Variants in AMPH observed in about 807,000 individuals in gnomAD.
The protein encoded by AMPH is amphiphysin (Stiff-Mann syndrome with breast cancer 128kD autoantigen).
In AMPH, 49 loss-of-function variants were observed where a neutral mutation model predicts 99.1. That is an observed-to-expected ratio of 0.49 (90% CI 0.39 to 0.63). The LOEUF (loss-of-function observed/expected upper bound fraction) is 0.63, where lower values mean the gene tolerates loss of function less well. Among genes scored for constraint, AMPH ranks in the 20% least tolerant of loss-of-function variants. AMPH has a pLI of 0.00. For synonymous variants in AMPH, 314 were observed against 317.3 expected (o/e 0.99, Z 0.11); for missense variants, 759 against 863.4 (o/e 0.88, Z 1.52).
chr7:38,523,249 T>C (rs912544474), intron 2 of AMPH, among the ~76,000 whole-genome samples: 20 of 152,168 alleles, frequency 1.3e-4, no homozygotes, highest in African/African-American at 4.6e-4. Flanking sequence ...GTGTTGTGTG[T>C]GTGTATACAC....
intron 14 of AMPH, chr7:38,428,199 C>A (rs934555406): frequency 2.2e-6 from 1 of 456,608 alleles, no homozygotes; most frequent in African/African-American, 2.0e-5. Context: ...ATCTGGTATA[C>A]CAGAGAATCC....
chr7:38,383,931 T>C lies in AMPH; in HGVS notation c.*887A>G, dbSNP rs1784283368. 1 of 152,644 alleles carries C rather than the reference T, an allele frequency of 6.6e-6. No individual in the cohort carries two copies. The highest frequency in any genetic ancestry group is 2.1e-4 in the South Asian group (1 of 4,830). 9.5% of individuals were successfully genotyped at this position (152,644 alleles called of 1,614,324 possible). ...TGCCCCATCTTTCTACCCAATCTCATAAAGGCAGAAGAGAAGACTGCTTAG... is the reference window on the plus strand; with the variant it reads ...TGCCCCATCTTTCTACCCAATCTCACAAAGGCAGAAGAGAAGACTGCTTAG... On this transcript the variant is annotated 3_prime_UTR_variant, in exon 21 of 21. Transcript: ENST00000356264.
intron 5 of AMPH, among the ~76,000 whole-genome samples, chr7:38,478,834 A>G (rs564555811): frequency 2.0e-5 from 3 of 152,150 alleles, no homozygotes; most frequent in Non-Finnish European, 4.4e-5. Flanking sequence ...GGAAAAATTG[A>G]TTCAGTGGGC....
At chr7:38,629,792 C>G (rs1161693883) in intron 1 of AMPH, among the ~76,000 whole-genome samples, 1 of 152,216 alleles carries the variant, frequency 6.6e-6, no homozygotes, top group Non-Finnish European at 1.5e-5. Flanking sequence ...CAGCAGATCC[C>G]TGGCTACTTT....
At chr7:38,485,581 A>G (rs1026321575) in intron 5 of AMPH, among the ~76,000 whole-genome samples, 5 of 151,920 alleles carry the variant, frequency 3.3e-5, no homozygotes, top group Non-Finnish European at 5.9e-5. Flanking sequence ...TATAGACACA[A>G]TATCAACAAA....
In AMPH at chr7:38,478,059, AAAACAAAC is replaced by A. The variant is rs146496756; in HGVS notation, c.397-1098_397-1091del. ...CTAAAACAAGGCCGGGAAAGGATTT[AAAACAAAC>A]AAACAAACAAACAAACAAACAAAAC... On this transcript the variant is annotated intron_variant, in intron 5 of 20. Coordinates refer to ENST00000356264, the MANE Select transcript of AMPH (RefSeq NM_001635.4). 4.3e-3 allele frequency among the ~76,000 whole-genome samples: 647 copies of A among 149,912 alleles called. 7 individuals carry two copies. The highest frequency in any genetic ancestry group is 0.025 in the Admixed American group (370 of 15,028).
intron 1 of AMPH, among the ~76,000 whole-genome samples, chr7:38,590,884 TTTCATAAA>T (rs1792832024): frequency 6.6e-6 from 1 of 152,182 alleles, no homozygotes; most frequent in Non-Finnish European, 1.5e-5. Flanking sequence ...CTAATATAAC[TTTCATAAA>T]ATGTAAGAGT....
intron 1 of AMPH, among the ~76,000 whole-genome samples, chr7:38,544,932 G>A (rs186751577): frequency 2.0e-4 from 31 of 152,120 alleles, no homozygotes; most frequent in Admixed American, 6.5e-4. Context: ...AGATTCTTAC[G>A]TGTTTGGCCA....
chr7:38,438,085 C>T (rs892620629), intron 11 of AMPH, among the ~76,000 whole-genome samples: 1 of 152,120 alleles, frequency 6.6e-6, no homozygotes, highest in African/African-American at 2.4e-5. Context: ...TTTTCCCCAA[C>T]TTTTATGTAG....
chr7:38,400,029 T>C (rs1784798234), intron 17 of AMPH, among the ~76,000 whole-genome samples: 1 of 152,048 alleles, frequency 6.6e-6, no homozygotes, highest in Non-Finnish European at 1.5e-5. Context: ...CTGGAGAGAG[T>C]AGGTGGTGGC....
intron 1 of AMPH, among the ~76,000 whole-genome samples, chr7:38,614,035 G>A (rs1440598320): frequency 6.6e-6 from 1 of 152,074 alleles, no homozygotes; most frequent in Admixed American, 6.5e-5. Flanking sequence ...CCAAAGACCG[G>A]GAAAGGGAAA....
intron 1 of AMPH, among the ~76,000 whole-genome samples, chr7:38,583,799 G>C (rs985274541): frequency 1.3e-5 from 2 of 152,212 alleles, no homozygotes; most frequent in African/African-American, 4.8e-5. Context: ...GCAGAGTGAG[G>C]GGGGCCAGAA....
chr7:38,521,748 A>G (rs1352648114), intron 2 of AMPH, among the ~76,000 whole-genome samples: 1 of 152,132 alleles, frequency 6.6e-6, no homozygotes, highest in Non-Finnish European at 1.5e-5. Flanking sequence ...AGGGATTCCC[A>G]TCCCCTCAGT....
At chr7:38,509,855 C>T (rs375477076) in intron 2 of AMPH, among the ~76,000 whole-genome samples, 3 of 152,154 alleles carry the variant, frequency 2.0e-5, no homozygotes, top group Non-Finnish European at 2.9e-5. Flanking sequence ...ACTTGCTGTT[C>T]GGTGTCTCCT....
chr7:38,546,972 C>T (rs992115832), intron 1 of AMPH, among the ~76,000 whole-genome samples: 8 of 152,218 alleles, frequency 5.3e-5, no homozygotes, highest in African/African-American at 1.4e-4. Context: ...CTAGTCTCAA[C>T]CAATGGTAAG....
intron 14 of AMPH, chr7:38,429,539 G>C: frequency 3.6e-6 from 5 of 1,401,308 alleles, no homozygotes; most frequent in Non-Finnish European, 4.7e-6. Context: ...TTTCCTCCAT[G>C]ATCAGGTTAC....
chr7:38,551,057 G>A (rs914488534), intron 1 of AMPH, among the ~76,000 whole-genome samples: 1 of 152,118 alleles, frequency 6.6e-6, no homozygotes, highest in African/African-American at 2.4e-5. Flanking sequence ...AAACCCCTGT[G>A]GATGATCCTG....
intron 1 of AMPH, among the ~76,000 whole-genome samples, chr7:38,559,145 G>C (rs531128641): frequency 1.9e-4 from 29 of 152,338 alleles, no homozygotes; most frequent in African/African-American, 6.5e-4. Flanking sequence ...AAAGTGTGCA[G>C]CTTGCCAGCT....
intron 11 of AMPH, among the ~76,000 whole-genome samples, chr7:38,454,560 C>T (rs1787157520): frequency 6.6e-6 from 1 of 151,858 alleles, no homozygotes. Context: ...AAAACAGCCA[C>T]TAGCAGGAAC....
Sources: gnomAD v4.1 joint callset for allele counts (sites outside exome capture counted in the v4.1 genomes callset) on GRCh38, gnomAD v4.1.1 for gene constraint, MANE v1.5 for transcripts, NCBI Gene and HGNC (gene_info 2026-07-23, HGNC 2026-07-21) for gene names.